ZIM2: variants seen among roughly 807,000 people sequenced by gnomAD.
The protein encoded by ZIM2 is zinc finger imprinted 2.
ZIM2 carries 14 observed loss-of-function variants against 38.6 expected under a neutral mutation model. The ratio of observed to expected loss-of-function variants is 0.36; its 90% CI spans 0.24 to 0.57. The LOEUF (loss-of-function observed/expected upper bound fraction) is 0.57, where lower values mean the gene tolerates loss of function less well. Ranked by LOEUF, ZIM2 falls within the 20% of genes least tolerant of loss-of-function variation. The pLI is 0.81. For missense variants in ZIM2, 680 were observed against 695.1 expected (o/e 0.98, Z 0.24); for synonymous variants, 247 against 245.8 (o/e 1.00, Z -0.04).
At position 56,817,345 on chromosome 19, in the gene ZIM2, T is replaced by A. The variant is rs1055694991; in HGVS notation, c.490+401A>T. On this transcript the variant is annotated intron_variant, in intron 9 of 12. Coordinates refer to ENST00000629319, the MANE Select transcript of ZIM2 (RefSeq NM_001387356.1). ...GCCTCCCCTAAATGCATTCCCTTCA[T>A]AAACCCGCTGCTGGATCACTGACTC... is the stretch of plus-strand genomic sequence containing the variant. 4 of 1,613,980 alleles carry A rather than the reference T, an allele frequency of 2.5e-6. No individual in the cohort carries two copies. The African/African-American group carries it at 5.3e-5, about 22-fold the overall frequency.
intron 9 of ZIM2, chr19:56,815,853 A>G (rs1489816697): frequency 5.0e-6 from 8 of 1,613,610 alleles, no homozygotes; most frequent in Non-Finnish European, 6.8e-6. Context: ...CTGAGATATA[A>G]ATGGAGGATT....
intron 9 of ZIM2, chr19:56,811,237 C>T (rs2059520604): frequency 1.0e-6 from 1 of 962,888 alleles, no homozygotes; most frequent in South Asian, 4.8e-5. Flanking sequence ...AAATAATGCT[C>T]AACTATAAGC....
intron 12 of ZIM2, 41 bp downstream of exon 12, chr19:56,779,336 G>T (rs753465227): frequency 6.2e-7 from 1 of 1,603,138 alleles, no homozygotes; most frequent in Non-Finnish European, 8.5e-7. Flanking sequence ...GCATTTACTG[G>T]TTCCCCCTCC....
chr19:56,808,051 C>A (rs2047841170), intron 9 of ZIM2, among the ~76,000 whole-genome samples: 1 of 152,142 alleles, frequency 6.6e-6, no homozygotes, highest in Non-Finnish European at 1.5e-5. Flanking sequence ...CTTTGAACAC[C>A]TTCAATCCAT....
At chr19:56,813,195 C>G in intron 9 of ZIM2, 1 of 942,276 alleles carries the variant, frequency 1.1e-6, no homozygotes, top group Non-Finnish European at 1.2e-6. Flanking sequence ...TGCTCTCTTC[C>G]TCCTCCAAAA....
rs755041605 is a variant in ZIM2 at position 56,782,100 on chromosome 19, C to T, written c.592G>A (p.Gly198Arg). 1 of 1,613,830 alleles carries T rather than the reference C, an allele frequency of 6.2e-7. No homozygotes were observed. The change falls in exon 11 of 13, where the codon GGA becomes AGA. Residue 198 changes from glycine to arginine, a missense_variant. Transcript: ENST00000629319. ...AACTCCTCAAACACCAGAAATGTTC[C>T]TAAGTGTTTGAAGTCCGGGAACTAT... ...GSQFPDFKHL[G>R]TFLVFEELVT... is the part of the protein sequence containing the mutation.
intron 9 of ZIM2, among the ~76,000 whole-genome samples, chr19:56,795,621 T>C (rs2047175254): frequency 6.6e-6 from 1 of 152,044 alleles, no homozygotes; most frequent in Non-Finnish European, 1.5e-5. Context: ...GACACGAGGA[T>C]AGGGTTGGTA....
chr19:56,786,561 A>T (rs2046616451), intron 10 of ZIM2, among the ~76,000 whole-genome samples: 1 of 151,964 alleles, frequency 6.6e-6, no homozygotes, highest in Non-Finnish European at 1.5e-5. Context: ...TCCTTTTTTT[A>T]AAATTCTGGA....
chr19:56,780,245 C>CTT (rs66492427), intron 11 of ZIM2, among the ~76,000 whole-genome samples: 32 of 129,360 alleles, frequency 2.5e-4, no homozygotes, highest in East Asian at 1.6e-3. Flanking sequence ...TTTCTTTTTT[C>CTT]TTTTTTTTTT....
intron 12 of ZIM2, 144 bp from the exon 13 acceptor site, chr19:56,775,673 A>G (rs923961523): frequency 7.1e-7 from 1 of 1,403,926 alleles, no homozygotes; most frequent in Non-Finnish European, 9.3e-7. Context: ...AAAAAAGTAA[A>G]AATTCCTCTA....
chr19:56,827,877 T>C (rs768168795), intron 2 of ZIM2, among the ~76,000 whole-genome samples: 6 of 152,210 alleles, frequency 3.9e-5, no homozygotes, highest in Non-Finnish European at 8.8e-5. Flanking sequence ...AGATGATTTC[T>C]AGAAGGATAT....
chr19:56,834,562 G>A (rs1176060965), intron 2 of ZIM2, among the ~76,000 whole-genome samples: 1 of 152,172 alleles, frequency 6.6e-6, no homozygotes, highest in Non-Finnish European at 1.5e-5. Flanking sequence ...TGTGGGAACA[G>A]GAACATCCTA....
chr19:56,793,460 G>A (rs985332179), intron 9 of ZIM2, among the ~76,000 whole-genome samples: 1 of 152,174 alleles, frequency 6.6e-6, no homozygotes, highest in Admixed American at 6.5e-5. Flanking sequence ...TGTATCAGCT[G>A]AAAGGATACA....
At chr19:56,818,469 T>C (rs559517260) in intron 8 of ZIM2, 131 bp downstream of exon 8, 3 of 996,916 alleles carry the variant, frequency 3.0e-6, no homozygotes, top group Non-Finnish European at 4.4e-6. Flanking sequence ...TTGAAATCTT[T>C]CAAAGATTTC....
At chr19:56,831,361 A>G (rs1380847177) in intron 2 of ZIM2, among the ~76,000 whole-genome samples, 1 of 152,208 alleles carries the variant, frequency 6.6e-6, no homozygotes, top group Admixed American at 6.5e-5. Flanking sequence ...TTACAGCTAA[A>G]TGGCAAAGGA....
chr19:56,837,262 C>G (rs898023564), intron 1 of ZIM2, among the ~76,000 whole-genome samples: 2 of 151,476 alleles, frequency 1.3e-5, no homozygotes, highest in Non-Finnish European at 1.5e-5. Flanking sequence ...TTTAAACACA[C>G]CCCCACCTGC....
At chr19:56,813,579 T>C in intron 9 of ZIM2, 1 of 1,479,132 alleles carries the variant, frequency 6.8e-7, no homozygotes, top group Non-Finnish European at 9.0e-7. Flanking sequence ...TAAGGTTAAG[T>C]CTCCTACTGA....
At chr19:56,838,140 G>C (rs918106532) in intron 1 of ZIM2, among the ~76,000 whole-genome samples, 1 of 152,174 alleles carries the variant, frequency 6.6e-6, no homozygotes, top group Non-Finnish European at 1.5e-5. Context: ...GACCCCGTCA[G>C]TCACTCAGTC....
chr19:56,811,251 C>A (rs571048482), intron 9 of ZIM2: 1 of 948,020 alleles, frequency 1.1e-6, no homozygotes, highest in African/African-American at 1.8e-5. Flanking sequence ...TATAAGCCTA[C>A]AACAACAACA....
Sources: gnomAD v4.1 joint callset for allele counts (sites outside exome capture counted in the v4.1 genomes callset) on GRCh38, gnomAD v4.1.1 for gene constraint, MANE v1.5 for transcripts, NCBI Gene and HGNC (gene_info 2026-07-23, HGNC 2026-07-21) for gene names.